ZEB1: variants seen among roughly 807,000 people sequenced by gnomAD.
The protein encoded by ZEB1 is zinc finger E-box-binding homeobox 1.
In ZEB1, 21 loss-of-function variants were observed where a neutral mutation model predicts 84.9. The ratio of observed to expected loss-of-function variants is 0.25; its 90% CI spans 0.18 to 0.36. The LOEUF is 0.36. Ranked by LOEUF, ZEB1 falls within the 10% of genes least tolerant of loss-of-function variation. The pLI is 1.00. For missense variants in ZEB1, 1,104 were observed against 1,330.2 expected (o/e 0.83, Z 2.65); for synonymous variants, 420 against 471.1 (o/e 0.89, Z 1.41).
intron 1 of ZEB1, among the ~76,000 whole-genome samples, chr10:31,457,605 T>C (rs1006669380): frequency 2.0e-5 from 3 of 152,154 alleles, no homozygotes; most frequent in African/African-American, 7.2e-5. Flanking sequence ...CTCTGTGTTT[T>C]GGATTTATGA....
chr10:31,410,979 C>T (rs914102914), intron 1 of ZEB1, among the ~76,000 whole-genome samples: 10 of 152,142 alleles, frequency 6.6e-5, no homozygotes, highest in East Asian at 5.8e-4. Flanking sequence ...AAGGGTTTTT[C>T]GTGTCTCTAT....
At chr10:31,465,203 AAAC>A (rs1394936403) in intron 2 of ZEB1, among the ~76,000 whole-genome samples, 32 of 152,248 alleles carry the variant, frequency 2.1e-4, no homozygotes, top group African/African-American at 7.7e-4. Context: ...TAAAAATAAA[AAAC>A]AAGGTATTAA....
Position 31,524,109 on chromosome 10 carries a change from C to T in ZEB1, c.2781C>T (p.His927=). The T allele has an allele frequency of 6.2e-7, 1 of 1,612,962 alleles. No individual in the cohort carries two copies. Among genetic ancestry groups the T allele is most frequent in the Non-Finnish European group, 8.5e-7 (1 of 1,179,598 alleles). Residue 927 remains histidine (H), a synonymous_variant, in exon 8 of 9, where the codon CAC becomes CAT. Transcript: ENST00000424869. ...SSSLLRHKYE[H]TGKRPHECGI... is the part of the protein sequence containing the mutation. The stretch of plus-strand genomic sequence containing the variant: ...CATTATTGAGACATAAATATGAACA[C>T]ACAGGTATGTCAGTGAACACAAACA...
chr10:31,339,230 T>C (rs2038871476), intron 1 of ZEB1, among the ~76,000 whole-genome samples: 2 of 152,192 alleles, frequency 1.3e-5, no homozygotes, highest in Non-Finnish European at 2.9e-5. Flanking sequence ...CTCTTTGTGC[T>C]TTTTGTTAGC....
chr10:31,426,150 T>C (rs1299296621), intron 1 of ZEB1, among the ~76,000 whole-genome samples: 1 of 152,222 alleles, frequency 6.6e-6, no homozygotes, highest in Non-Finnish European at 1.5e-5. Flanking sequence ...TGTTACAGTA[T>C]GTTGTTCTGA....
intron 1 of ZEB1, among the ~76,000 whole-genome samples, chr10:31,439,545 C>G (rs541532064): frequency 3.3e-5 from 5 of 151,838 alleles, no homozygotes; most frequent in Admixed American, 1.3e-4. Flanking sequence ...CAGTGGTGAT[C>G]GAAACAGAAA....
At chr10:31,375,002 T>G (rs2046339270) in intron 1 of ZEB1, 2 of 151,242 alleles carry the variant, frequency 1.3e-5, no homozygotes, top group Admixed American at 1.3e-4. Flanking sequence ...ACTTTATATC[T>G]TTTTATCTTT....
chr10:31,489,834 TG>T (rs2066269863), intron 2 of ZEB1, among the ~76,000 whole-genome samples: 1 of 151,456 alleles, frequency 6.6e-6, no homozygotes, highest in African/African-American at 2.4e-5. Flanking sequence ...ACATTCCAAG[TG>T]TCCCTCATTT....
intron 1 of ZEB1, among the ~76,000 whole-genome samples, chr10:31,365,510 CTG>C (rs1452623952): frequency 6.6e-6 from 1 of 152,168 alleles, no homozygotes; most frequent in Non-Finnish European, 1.5e-5. Context: ...AATTTTATAA[CTG>C]TACATACCTT....
intron 1 of ZEB1, among the ~76,000 whole-genome samples, chr10:31,443,853 A>T (rs545751402): frequency 6.6e-6 from 1 of 151,388 alleles, no homozygotes; most frequent in African/African-American, 2.5e-5. Context: ...TGCTATCGTG[A>T]ATAGTGCCGC....
chr10:31,363,514 C>T (rs2043779508), intron 1 of ZEB1: 1 of 1,529,570 alleles, frequency 6.5e-7, no homozygotes, highest in Non-Finnish European at 8.8e-7. Flanking sequence ...CCCATTGCTA[C>T]AGGGGCCCCT....
intron 1 of ZEB1, among the ~76,000 whole-genome samples, chr10:31,381,037 C>T (rs761647488): frequency 9.9e-5 from 15 of 152,080 alleles, no homozygotes; most frequent in African/African-American, 1.4e-4. Flanking sequence ...AATCAACAAG[C>T]TGAACAGTAT....
intron 1 of ZEB1, among the ~76,000 whole-genome samples, chr10:31,445,039 A>C (rs2059579722): frequency 6.7e-6 from 1 of 149,472 alleles, no homozygotes; most frequent in Admixed American, 6.6e-5. Context: ...GATTCTTCCT[A>C]TCCATGAGCA....
chr10:31,319,561 TG>T (rs2033146024), intron 1 of ZEB1: 1 of 427,240 alleles, frequency 2.3e-6, no homozygotes, highest in Non-Finnish European at 4.1e-6. Flanking sequence ...GCCGCCTCCC[TG>T]GACCGTTAGC....
chr10:31,507,219 T>A (rs2069133615), intron 4 of ZEB1, among the ~76,000 whole-genome samples: 1 of 152,198 alleles, frequency 6.6e-6, no homozygotes, highest in Non-Finnish European at 1.5e-5. Flanking sequence ...GTATGGAGGT[T>A]CCCTTACAAG....
intron 1 of ZEB1, among the ~76,000 whole-genome samples, chr10:31,327,416 T>A (rs2035800773): frequency 6.6e-6 from 1 of 152,194 alleles, no homozygotes; most frequent in Admixed American, 6.5e-5. Context: ...TGACATATAA[T>A]TTACTTTCTT....
At chr10:31,355,738 A>T (rs1456812104) in intron 1 of ZEB1, among the ~76,000 whole-genome samples, 1 of 152,202 alleles carries the variant, frequency 6.6e-6, no homozygotes, top group Non-Finnish European at 1.5e-5. Flanking sequence ...AACTGAAAAG[A>T]TTCCAGTGTG....
intron 6 of ZEB1, among the ~76,000 whole-genome samples, chr10:31,517,618 A>C (rs1304935975): frequency 6.6e-6 from 1 of 152,140 alleles, no homozygotes. Context: ...AATTAGTGAT[A>C]TGCCTAACTA....
chr10:31,442,396 C>T (rs1467120715), intron 1 of ZEB1, among the ~76,000 whole-genome samples: 5 of 150,866 alleles, frequency 3.3e-5, no homozygotes, highest in Non-Finnish European at 7.4e-5. Flanking sequence ...CATCACACAC[C>T]GGGGTCTGTC....
Sources: allele counts gnomAD v4.1 joint callset (sites outside exome capture counted in the v4.1 genomes callset), GRCh38; gene constraint gnomAD v4.1.1; transcripts MANE v1.5; gene names NCBI Gene and HGNC (gene_info 2026-07-23, HGNC 2026-07-21).